The following POU6F2 variants were observed in gnomAD, a reference collection of about 807,000 sequenced individuals.
POU6F2 encodes the protein POU domain, class 6, transcription factor 2.
POU6F2 carries 31 observed loss-of-function variants against 71.3 expected under a neutral mutation model. The observed-to-expected ratio is 0.43, with a 90% CI of 0.33 to 0.59. The LOEUF (loss-of-function observed/expected upper bound fraction) is 0.59, where lower values mean the gene tolerates loss of function less well. POU6F2 is among the 20% of genes least tolerant of loss of function. The pLI is 0.04. For missense variants in POU6F2, 783 were observed against 856.8 expected (o/e 0.91, Z 1.07); for synonymous variants, 347 against 355.7 (o/e 0.98, Z 0.27).
intron 6 of POU6F2, among the ~76,000 whole-genome samples, chr7:39,409,460 T>C (rs1023854894): frequency 6.6e-6 from 1 of 152,198 alleles, no homozygotes; most frequent in East Asian, 1.9e-4. Flanking sequence ...AGACTTTGAA[T>C]TCAGACCTAC....
chr7:39,453,306 T>TAAA (rs777345714), intron 8 of POU6F2, among the ~76,000 whole-genome samples: 3 of 145,774 alleles, frequency 2.1e-5, no homozygotes, highest in African/African-American at 7.5e-5. Context: ...TTCCCCTAAT[T>TAAA]AAAAAAAAAA....
chr7:39,123,249 G>GAAA (rs1469243417), intron 2 of POU6F2, among the ~76,000 whole-genome samples: 1 of 152,192 alleles, frequency 6.6e-6, no homozygotes, highest in African/African-American at 2.4e-5. Flanking sequence ...TATGTAGTGT[G>GAAA]CACTTGCTCT....
intron 4 of POU6F2, among the ~76,000 whole-genome samples, chr7:39,301,762 G>A (rs1784952020): frequency 6.6e-6 from 1 of 152,152 alleles, no homozygotes. Context: ...GGCTGACACT[G>A]CCCCATTAAA....
chr7:39,448,101 A>G (rs1788566634), intron 7 of POU6F2, among the ~76,000 whole-genome samples: 1 of 152,230 alleles, frequency 6.6e-6, no homozygotes, highest in Non-Finnish European at 1.5e-5. Context: ...CCAGTGATGT[A>G]GTGCTATATT....
chr7:39,093,112 A>G (rs565860358), intron 2 of POU6F2, among the ~76,000 whole-genome samples: 78 of 152,224 alleles, frequency 5.1e-4, no homozygotes, highest in African/African-American at 1.8e-3. Flanking sequence ...AAGGTCTTAT[A>G]TGTAACAAGA....
chr7:39,144,841 A>G (rs1365825059), intron 2 of POU6F2, among the ~76,000 whole-genome samples: 1 of 152,206 alleles, frequency 6.6e-6, no homozygotes, highest in Non-Finnish European at 1.5e-5. Flanking sequence ...CTGCAGGAAC[A>G]CAGCTCTGGA....
intron 4 of POU6F2, among the ~76,000 whole-genome samples, chr7:39,289,520 T>C (rs1317095436): frequency 6.6e-6 from 1 of 152,238 alleles, no homozygotes; most frequent in East Asian, 1.9e-4. Context: ...TCAAGGTCTT[T>C]TAGTATTCTG....
At chr7:39,124,008 AC>A (rs943760410) in intron 2 of POU6F2, among the ~76,000 whole-genome samples, 1 of 148,034 alleles carries the variant, frequency 6.8e-6, no homozygotes, top group Non-Finnish European at 1.5e-5. Flanking sequence ...ATTGCTACAT[AC>A]CCTTGTTTTA....
intron 5 of POU6F2, among the ~76,000 whole-genome samples, chr7:39,386,949 C>T (rs757753634): frequency 1.4e-4 from 22 of 152,214 alleles, no homozygotes; most frequent in Non-Finnish European, 2.8e-4. Context: ...GACATCAACC[C>T]TGAAAGTGGG....
chr7:39,373,929 C>T (rs925063501), intron 5 of POU6F2, among the ~76,000 whole-genome samples: 1 of 151,892 alleles, frequency 6.6e-6, no homozygotes, highest in African/African-American at 2.4e-5. Context: ...AAGATCTGGC[C>T]TTATTGCTTT....
At chr7:39,387,331 A>G (rs73125524) in intron 5 of POU6F2, among the ~76,000 whole-genome samples, 3,902 of 152,218 alleles carry the variant, frequency 0.026, 73 homozygotes, top group Non-Finnish European at 0.043. Flanking sequence ...TTCCCCTCCT[A>G]AGAGTTTTTT....
intron 1 of POU6F2, among the ~76,000 whole-genome samples, chr7:39,072,225 G>T: frequency 6.6e-6 from 1 of 152,226 alleles, no homozygotes; most frequent in East Asian, 1.9e-4. Flanking sequence ...GGAGTAGCAT[G>T]AAAGAGGATT....
chr7:39,238,546 C>T (rs1351416391), intron 4 of POU6F2, among the ~76,000 whole-genome samples: 1 of 152,146 alleles, frequency 6.6e-6, no homozygotes, highest in Non-Finnish European at 1.5e-5. Flanking sequence ...TTATGTGGCT[C>T]GCAAAACCAA....
intron 7 of POU6F2, among the ~76,000 whole-genome samples, chr7:39,439,185 T>G (rs1332801159): frequency 1.4e-4 from 9 of 66,370 alleles, no homozygotes; most frequent in Admixed American, 1.3e-3. Flanking sequence ...CAACCCCTGG[T>G]TTTTTTTTTG....
At chr7:39,054,771 T>A (rs1790473991) in intron 1 of POU6F2, among the ~76,000 whole-genome samples, 1 of 85,410 alleles carries the variant, frequency 1.2e-5, no homozygotes, top group Non-Finnish European at 2.3e-5. Flanking sequence ...CAGAGCTTTT[T>A]GGAGACACTT....
chr7:39,160,774 C>T (rs1792978733), intron 2 of POU6F2, among the ~76,000 whole-genome samples: 1 of 152,098 alleles, frequency 6.6e-6, no homozygotes, highest in Non-Finnish European at 1.5e-5. Context: ...TAGTTGTGAA[C>T]TTGTAAATCT....
At chr7:39,088,813 CTG>C (rs1297427135) in intron 2 of POU6F2, among the ~76,000 whole-genome samples, 1 of 152,182 alleles carries the variant, frequency 6.6e-6, no homozygotes, top group African/African-American at 2.4e-5. Context: ...CTTCTCCCAT[CTG>C]TGTACTGTTC....
At chr7:39,059,361 T>C (rs1016632660) in intron 1 of POU6F2, among the ~76,000 whole-genome samples, 3 of 152,162 alleles carry the variant, frequency 2.0e-5, no homozygotes, top group African/African-American at 4.8e-5. Context: ...GGGGAAAGGA[T>C]TGATTGAAAA....
At chr7:39,019,828 A>G (rs1232470350) in intron 1 of POU6F2, among the ~76,000 whole-genome samples, 6 of 151,890 alleles carry the variant, frequency 4.0e-5, no homozygotes, top group Admixed American at 2.6e-4. Flanking sequence ...TCACATCACC[A>G]ATTAAAATTA....
Sources: allele counts gnomAD v4.1 joint callset (sites outside exome capture counted in the v4.1 genomes callset), GRCh38; gene constraint gnomAD v4.1.1; transcripts MANE v1.5; gene names NCBI Gene and HGNC (gene_info 2026-07-23, HGNC 2026-07-21).